MAP2: variants seen among roughly 807,000 people sequenced by gnomAD.
The protein encoded by MAP2 is microtubule associated protein 2, also known as microtubule-associated protein 2.
MAP2 carries 14 observed loss-of-function variants against 137.6 expected under a neutral mutation model. That is an observed-to-expected ratio of 0.10 (90% CI 0.07 to 0.16). The LOEUF is 0.16. Among genes scored for constraint, MAP2 ranks in the 10% least tolerant of loss-of-function variants. The probability of loss-of-function intolerance (pLI) is 1.00; values close to 1 mark genes in which losing one functional copy is unlikely to be tolerated. For missense variants in MAP2, 2,088 were observed against 2,191.5 expected (o/e 0.95, Z 0.94); for synonymous variants, 786 against 782.3 (o/e 1.00, Z -0.08).
chr2:209,546,752 C>A (rs1271456720), intron 2 of MAP2, among the ~76,000 whole-genome samples: 2 of 152,190 alleles, frequency 1.3e-5, no homozygotes, highest in Non-Finnish European at 2.9e-5. Context: ...GAAAAAGAAT[C>A]TATATGCATG....
At chr2:209,602,608 A>G (rs1451936130) in intron 3 of MAP2, among the ~76,000 whole-genome samples, 1 of 152,208 alleles carries the variant, frequency 6.6e-6, no homozygotes, top group Non-Finnish European at 1.5e-5. Flanking sequence ...CACTACCAAT[A>G]AAAAGTACAC....
At chr2:209,688,883 C>G (rs1465607081) in intron 7 of MAP2, among the ~76,000 whole-genome samples, 1 of 152,148 alleles carries the variant, frequency 6.6e-6, no homozygotes, top group Non-Finnish European at 1.5e-5. Flanking sequence ...TAAACGTCTT[C>G]AAGGACCCTT....
chr2:209,637,579 G>A (rs1049141223), intron 4 of MAP2, among the ~76,000 whole-genome samples: 1 of 152,058 alleles, frequency 6.6e-6, no homozygotes, highest in Non-Finnish European at 1.5e-5. Flanking sequence ...AAAAATGGGA[G>A]CGATCAGTCC....
intron 1 of MAP2, among the ~76,000 whole-genome samples, 154 bp downstream of exon 1, chr2:209,424,430 C>T (rs1691946167): frequency 6.6e-6 from 1 of 152,184 alleles, no homozygotes; most frequent in Admixed American, 6.5e-5. Flanking sequence ...GCCAGCCGTG[C>T]ACCTGGCGGA....
chr2:209,512,336 G>A (rs1016171459), intron 2 of MAP2, among the ~76,000 whole-genome samples: 3 of 151,800 alleles, frequency 2.0e-5, no homozygotes, highest in Non-Finnish European at 4.4e-5. Flanking sequence ...TTAGAACAAT[G>A]TCTGGCATAT....
chr2:209,654,292 G>A (rs78349887), intron 5 of MAP2, among the ~76,000 whole-genome samples: 1 of 152,060 alleles, frequency 6.6e-6, no homozygotes, highest in African/African-American at 2.4e-5. Context: ...TGCAAAAATA[G>A]GTTTTCAGCA....
intron 1 of MAP2, among the ~76,000 whole-genome samples, chr2:209,448,158 T>C (rs894384253): frequency 6.6e-6 from 1 of 152,104 alleles, no homozygotes; most frequent in Non-Finnish European, 1.5e-5. Flanking sequence ...GGTAATTCAA[T>C]GAGGTATTGA....
chr2:209,692,130 G>C (rs1401879263), intron 7 of MAP2, among the ~76,000 whole-genome samples: 1 of 151,954 alleles, frequency 6.6e-6, no homozygotes, highest in Non-Finnish European at 1.5e-5. Context: ...TCTGCCCATA[G>C]CCTACCAATT....
chr2:209,631,005 CAAAAAAAA>C (rs776266690), intron 4 of MAP2, among the ~76,000 whole-genome samples: 256 of 42,124 alleles, frequency 6.1e-3, no homozygotes, highest in Middle Eastern at 0.024. Flanking sequence ...GAGCTACAAG[CAAAAAAAA>C]AAAAAAAAAA....
At chr2:209,589,871 T>G (rs1476235812) in intron 3 of MAP2, among the ~76,000 whole-genome samples, 14 of 152,180 alleles carry the variant, frequency 9.2e-5, no homozygotes, top group Non-Finnish European at 2.9e-5. Context: ...ACATAGGCAT[T>G]GTGATTTGCC....
chr2:209,494,225 T>C (rs1157371308), intron 1 of MAP2, among the ~76,000 whole-genome samples: 3 of 150,640 alleles, frequency 2.0e-5, no homozygotes, highest in Non-Finnish European at 4.4e-5. Context: ...TAAGTGAGAG[T>C]TGAACAATGA....
chr2:209,490,959 A>G (rs12997113), intron 1 of MAP2, among the ~76,000 whole-genome samples: 4,608 of 152,228 alleles, frequency 0.03, 83 homozygotes, highest in South Asian at 0.069. Context: ...CCCAATATAC[A>G]TCTATAGAAC....
chr2:209,643,786 A>G (rs2094209146), intron 4 of MAP2, among the ~76,000 whole-genome samples: 3 of 152,200 alleles, frequency 2.0e-5, no homozygotes, highest in Admixed American at 1.3e-4. Context: ...CTTATTCCCC[A>G]TAAGCTAGAA....
chr2:209,511,291 C>T (rs1559257114), intron 2 of MAP2, among the ~76,000 whole-genome samples: 2 of 152,030 alleles, frequency 1.3e-5, no homozygotes, highest in Non-Finnish European at 2.9e-5. Context: ...TTTATCCTTC[C>T]TCTAATGCAG....
Position 209,668,950 on chromosome 2 carries a change from T to C in MAP2, c.263-9622T>C, listed in dbSNP as rs78689386. 4.7e-3 allele frequency among the ~76,000 whole-genome samples: 717 copies of C among 152,214 alleles called. 5 individuals are homozygous for C. Among genetic ancestry groups the C allele is most frequent in the African/African-American group, 0.016 (653 of 41,558 alleles). ...ATAAGATTACTGAAACATGATTATC[T>C]GATTATATATTCAGTTATGATTTGA... On this transcript the variant is annotated intron_variant, in intron 5 of 15. Transcript: ENST00000682079.
intron 1 of MAP2, among the ~76,000 whole-genome samples, chr2:209,432,109 A>T (rs1694450785): frequency 6.6e-6 from 1 of 152,162 alleles, no homozygotes; most frequent in South Asian, 2.1e-4. Flanking sequence ...ATATAAGGGG[A>T]ATCCAACAAA....
chr2:209,487,021 GT>G (rs905508053), intron 1 of MAP2, among the ~76,000 whole-genome samples: 3 of 152,084 alleles, frequency 2.0e-5, no homozygotes, highest in African/African-American at 4.8e-5. Context: ...AATTCTGACC[GT>G]TTTTTGGTCC....
intron 1 of MAP2, among the ~76,000 whole-genome samples, chr2:209,456,630 C>G (rs1262898427): frequency 6.6e-6 from 1 of 152,196 alleles, no homozygotes; most frequent in African/African-American, 2.4e-5. Context: ...TCTACTTTCT[C>G]TGTTCCATTT....
At chr2:209,722,067 T>C (rs986421095) in intron 13 of MAP2, 1 of 152,366 alleles carries the variant, frequency 6.6e-6, no homozygotes, top group Middle Eastern at 3.4e-3. Flanking sequence ...AGGTTTTACA[T>C]GTAATGGTCT....
Sources: allele counts gnomAD v4.1 joint callset (sites outside exome capture counted in the v4.1 genomes callset), GRCh38; gene constraint gnomAD v4.1.1; transcripts MANE v1.5; gene names NCBI Gene and HGNC (gene_info 2026-07-23, HGNC 2026-07-21).